IDO2: variants seen among roughly 807,000 people sequenced by gnomAD.
The protein encoded by IDO2 is indoleamine 2,3-dioxygenase 2.
IDO2 carries 46 observed loss-of-function variants against 45.1 expected under a neutral mutation model. The ratio of observed to expected loss-of-function variants is 1.02; its 90% CI spans 0.80 to 1.30. The LOEUF (loss-of-function observed/expected upper bound fraction) is 1.30, where lower values mean the gene tolerates loss of function less well. Among genes scored for constraint, IDO2 ranks in the 50% most tolerant of loss-of-function variants. The pLI, the probability that IDO2 is intolerant of heterozygous loss-of-function variation, is 0.00. For synonymous variants in IDO2, 218 were observed against 184.9 expected (o/e 1.18, Z -1.45); for missense variants, 544 against 491.8 (o/e 1.11, Z -1.00).
At chr8:39,976,723 T>A (rs1002172676) in intron 3 of IDO2, among the ~76,000 whole-genome samples, 8 of 152,164 alleles carry the variant, frequency 5.3e-5, no homozygotes, top group African/African-American at 1.9e-4. Flanking sequence ...TATTTGGCCC[T>A]CCCAAACTGA....
chr8:39,950,769 A>C (rs1807803133), intron 2 of IDO2, among the ~76,000 whole-genome samples: 1 of 152,176 alleles, frequency 6.6e-6, no homozygotes, highest in Non-Finnish European at 1.5e-5. Context: ...GGAACAGAAC[A>C]AAGAAAGAAA....
chr8:40,015,138 G>C, intron 10 of IDO2, 109 bp from the exon 11 acceptor site: 2 of 679,122 alleles, frequency 2.9e-6, no homozygotes, highest in Non-Finnish European at 4.9e-6. Flanking sequence ...CTGGGCAACA[G>C]AGCAAGATCT....
In IDO2 at chr8:39,949,171, GCC is replaced by G. The variant is rs1480100804; in HGVS notation, c.9_10del (p.His4GlnfsTer19). On this transcript the variant is annotated frameshift_variant, in exon 2 of 11. Coordinates refer to ENST00000502986, the Ensembl canonical transcript of IDO2. LOFTEE classifies it high-confidence loss of function. ...CAGATACTTCAAACAAAATAATGGA[GCC>G]CCACAGACCGAATGTGAAGACAGCA... is the stretch of plus-strand genomic sequence containing the variant. 1 of 1,606,358 alleles carries G rather than the reference GCC, an allele frequency of 6.2e-7. No homozygotes were observed. The highest frequency in any genetic ancestry group is 1.3e-5 in the African/African-American group (1 of 74,842).
chr8:40,015,268 G>A (rs1253555522), exon 11 of IDO2: 6 of 1,608,916 alleles, frequency 3.7e-6, no homozygotes, highest in Admixed American at 3.3e-5. Context: ...TACAGAATGA[G>A]GGATTACATG....
intron 3 of IDO2, among the ~76,000 whole-genome samples, chr8:39,971,914 G>A (rs1042429479): frequency 6.6e-6 from 1 of 151,900 alleles, no homozygotes; most frequent in Non-Finnish European, 1.5e-5. Flanking sequence ...GTTCAAGCAA[G>A]TCTCCTGCCT....
Position 39,935,215 on chromosome 8 carries a change from T to G in IDO2, c.-21T>G. On this transcript the variant is annotated 5_prime_UTR_variant, in exon 1 of 11. The change creates a new upstream start codon in the 5' untranslated region. Transcript: ENST00000502986. ...CACAAGAATGTTGCATTTTCATTAT[T>G]ATGGTAAGTACACTGGTAACTTCTT... The G allele has an allele frequency of 1.2e-6, 2 of 1,612,934 alleles. No individual in the cohort carries two copies. The highest frequency in any genetic ancestry group is 1.7e-6 in the Non-Finnish European group (2 of 1,178,952).
intron 8 of IDO2, among the ~76,000 whole-genome samples, chr8:40,004,097 A>G (rs1004945682): frequency 6.6e-6 from 1 of 152,206 alleles, no homozygotes; most frequent in African/African-American, 2.4e-5. Context: ...AAAAAGTAGT[A>G]GTGTCTTAGC....
At chr8:39,962,836 T>C (rs539366212) in intron 2 of IDO2, among the ~76,000 whole-genome samples, 1 of 152,228 alleles carries the variant, frequency 6.6e-6, no homozygotes, top group South Asian at 2.1e-4. Context: ...CAACATTTGA[T>C]TGGTTAAAAG....
exon 4 of IDO2, chr8:39,979,095 AGGGTCACCGGGAGCAGCGCCT>A: frequency 6.3e-7 from 1 of 1,596,938 alleles, no homozygotes. Context: ...CAGTTCCTGA[AGGGTCACCGGGAGCAGCGCCT>A]GGCCCACCTG....
At chr8:39,952,418 T>C (rs1428437065) in intron 2 of IDO2, among the ~76,000 whole-genome samples, 1 of 152,214 alleles carries the variant, frequency 6.6e-6, no homozygotes, top group Non-Finnish European at 1.5e-5. Context: ...TCACTATAGA[T>C]AGTTACTTGA....
At chr8:39,956,703 T>C (rs1042406007) in intron 2 of IDO2, among the ~76,000 whole-genome samples, 1 of 152,196 alleles carries the variant, frequency 6.6e-6, no homozygotes, top group Admixed American at 6.5e-5. Flanking sequence ...AGTGTTCACT[T>C]TGTAGTAGGC....
intron 7 of IDO2, among the ~76,000 whole-genome samples, chr8:39,989,515 A>G (rs964115859): frequency 1.3e-5 from 2 of 152,102 alleles, no homozygotes; most frequent in African/African-American, 4.8e-5. Context: ...AATTCCAGAA[A>G]CACTTACCTA....
intron 1 of IDO2, among the ~76,000 whole-genome samples, chr8:39,937,526 T>TC (rs918958110): frequency 7.5e-5 from 11 of 146,406 alleles, no homozygotes; most frequent in Admixed American, 2.0e-4. Flanking sequence ...AATATCTTCT[T>TC]TTTTTTTTTT....
chr8:39,995,191 T>TTCTC (rs1563438174), intron 8 of IDO2: 69 of 80,942 alleles, frequency 8.5e-4, no homozygotes, highest in Admixed American at 1.7e-3. Flanking sequence ...TTCTTCTTCT[T>TTCTC]CTTCTTCTTC....
rs200097695 is a variant in IDO2 at position 39,987,884 on chromosome 8, A to G, written c.463A>G (p.Ile155Val). The G allele has an allele frequency of 7.7e-4, 1,239 of 1,607,402 alleles. No homozygotes were observed. Among genetic ancestry groups the G allele is most frequent in the Non-Finnish European group, 9.8e-4 (1,157 of 1,175,928 alleles). The change falls in exon 7 of 11, where the codon ATC becomes GTC. Residue 155 changes from isoleucine (I) to valine (V), a missense_variant. Coordinates refer to ENST00000502986, the Ensembl canonical transcript of IDO2. ...CTCCTTCCCAAGGAACCTGGAGACCATCATCTCATTTCCTGGGGGAGAGAG... is the reference window on the plus strand; with the variant it reads ...CTCCTTCCCAAGGAACCTGGAGACCGTCATCTCATTTCCTGGGGGAGAGAG...
intron 2 of IDO2, among the ~76,000 whole-genome samples, chr8:39,961,426 G>A (rs1214964953): frequency 6.9e-6 from 1 of 145,750 alleles, no homozygotes; most frequent in East Asian, 2.2e-4. Context: ...AGGTTCAAGC[G>A]ATTCTCCTAC....
chr8:40,005,885 T>C (rs182625514), intron 9 of IDO2, among the ~76,000 whole-genome samples: 2 of 152,296 alleles, frequency 1.3e-5, no homozygotes, highest in African/African-American at 2.4e-5. Context: ...GGGAGGTGAT[T>C]ATGTCTCCTC....
chr8:39,990,364 G>A (rs1038401453), intron 8 of IDO2, among the ~76,000 whole-genome samples: 1 of 152,174 alleles, frequency 6.6e-6, no homozygotes, highest in Non-Finnish European at 1.5e-5. Context: ...AATCAAAATG[G>A]AGTCACTTGT....
chr8:39,954,558 T>C (rs1469905616), intron 2 of IDO2, among the ~76,000 whole-genome samples: 1 of 152,048 alleles, frequency 6.6e-6, no homozygotes, highest in East Asian at 1.9e-4. Flanking sequence ...TCTTCTGATG[T>C]CTTGCTCCTT....
Sources: allele counts gnomAD v4.1 joint callset (sites outside exome capture counted in the v4.1 genomes callset), GRCh38; gene constraint gnomAD v4.1.1; transcripts MANE v1.5; gene names NCBI Gene and HGNC (gene_info 2026-07-23, HGNC 2026-07-21).